The following TNS1 variants were observed in gnomAD, a reference collection of about 807,000 sequenced individuals.
The protein encoded by TNS1 is tensin 1.
Under a neutral mutation model 168.6 loss-of-function variants are expected in TNS1, and 62 were observed. The observed-to-expected ratio is 0.37, with a 90% CI of 0.30 to 0.45. TNS1 has a LOEUF of 0.45. Ranked by LOEUF, TNS1 falls within the 20% of genes least tolerant of loss-of-function variation. TNS1 has a pLI of 1.00. For missense variants in TNS1, 2,240 were observed against 2,339.4 expected, an observed-to-expected ratio of 0.96 and a Z score of 0.88; for synonymous variants, 934 against 933.2, an observed-to-expected ratio of 1.00 and a Z score of -0.02.
At chr2:217,871,612 C>T (rs1398288624) in intron 18 of TNS1, among the ~76,000 whole-genome samples, 1 of 152,260 alleles carries the variant, frequency 6.6e-6, no homozygotes, top group African/African-American at 2.4e-5. Context: ...GAAAATACAT[C>T]AAGGGCAAAC....
Position 217,885,733 on chromosome 2 carries a change from A to G in TNS1, c.1116+11T>C, listed in dbSNP as rs908417711. On this transcript the variant is annotated intron_variant, in intron 15 of 32. Coordinates refer to ENST00000682258, the MANE Select transcript of TNS1 (RefSeq NM_001387777.1). The stretch of plus-strand genomic sequence containing the variant: ...ACAAGGATGGGGCTTGACACAGAGG[A>G]CAGCACTCACCAAGATGTCTCCCTT... 1 of 1,587,242 alleles carries G rather than the reference A, an allele frequency of 6.3e-7. No individual in the cohort carries two copies. Among genetic ancestry groups the G allele is most frequent in the Non-Finnish European group, 8.6e-7 (1 of 1,160,798 alleles).
At chr2:217,964,765 C>T (rs1039194568) in intron 3 of TNS1, among the ~76,000 whole-genome samples, 22 of 152,226 alleles carry the variant, frequency 1.4e-4, no homozygotes, top group Non-Finnish European at 4.4e-5. Context: ...AACCCAGACA[C>T]CCCTGGACAC....
At chr2:218,003,506 C>T (rs1360423176), upstream of TNS1, among the ~76,000 whole-genome samples, 2 of 151,412 alleles carry the variant, frequency 1.3e-5, no homozygotes, top group Non-Finnish European at 2.9e-5. Context: ...GACTCTGGTG[C>T]CCACGCGCCA....
At chr2:217,879,168 C>T (rs1160677999) in intron 18 of TNS1, 1 of 272,394 alleles carries the variant, frequency 3.7e-6, no homozygotes, top group Non-Finnish European at 7.3e-6. Flanking sequence ...GTCTTTCCCA[C>T]ATCTCCTCCT....
chr2:217,805,678 T>TC (rs1399371845), intron 32 of TNS1, among the ~76,000 whole-genome samples: 5 of 35,464 alleles, frequency 1.4e-4, no homozygotes, highest in Non-Finnish European at 2.4e-4. Flanking sequence ...ACCACACACA[T>TC]ACACACCATC....
chr2:217,915,300 G>C (rs1954882272), intron 4 of TNS1, among the ~76,000 whole-genome samples: 2 of 152,290 alleles, frequency 1.3e-5, no homozygotes, highest in South Asian at 4.1e-4. Flanking sequence ...CCTCAGATCT[G>C]ACACTGCGAG....
intron 32 of TNS1, among the ~76,000 whole-genome samples, chr2:217,807,572 C>T (rs766698711): frequency 6.6e-6 from 1 of 152,270 alleles, no homozygotes; most frequent in Non-Finnish European, 1.5e-5. Flanking sequence ...CCCTTGGAGG[C>T]CCCTAGGACA....
Position 217,818,665 on chromosome 2 carries a change from T to C in TNS1, c.3667A>G (p.Ser1223Gly). 1 of 1,614,218 alleles carries C rather than the reference T, an allele frequency of 6.2e-7. No homozygotes were observed. Among genetic ancestry groups the C allele is most frequent in the South Asian group, 1.1e-5 (1 of 91,084 alleles). Residue 1223 changes from serine (S) to glycine (G), a missense_variant, in exon 24 of 33, where the codon AGC becomes GGC. Ser to Gly is a moderately conservative substitution (Grantham distance 56, BLOSUM62 0). Transcript: ENST00000682258. ...GCAGACGGGCTGGGCTGTCCCAGGC[T>C]GCCTGAGCGGAAGCCAGACTCCAAC... ...PLLESGFRSG[S>G]LGQPSPSAQR...
chr2:217,932,057 A>C (rs969221108), intron 3 of TNS1, among the ~76,000 whole-genome samples: 1 of 152,182 alleles, frequency 6.6e-6, no homozygotes, highest in African/African-American at 2.4e-5. Context: ...CTATGGCTTT[A>C]TGTTCCCTGG....
chr2:218,014,909 AAGGAAGGAAG>A (rs1958743202), upstream of TNS1, among the ~76,000 whole-genome samples: 1 of 97,136 alleles, frequency 1.0e-5, no homozygotes, highest in Non-Finnish European at 2.6e-5. Context: ...GGAAGGAAGG[AAGGAAGGAAG>A]GAAGGCAGGC....
At chr2:217,867,636 C>T (rs1949392670) in intron 18 of TNS1, among the ~76,000 whole-genome samples, 2 of 152,232 alleles carry the variant, frequency 1.3e-5, no homozygotes, top group Admixed American at 1.3e-4. Flanking sequence ...AGGTGATCTA[C>T]TCCCTGTTAC....
chr2:217,812,359 C>T lies in TNS1; in HGVS notation c.5032+9G>A, dbSNP rs773700470. On this transcript the variant is annotated intron_variant, in intron 28 of 32. Coordinates refer to ENST00000682258, the MANE Select transcript of TNS1 (RefSeq NM_001387777.1). ...TGTGGGTGGTGAGCCAGGAGTCTCA[C>T]GTTCCTACCTCGGTTTGGAATGACC... The T allele has an allele frequency of 1.4e-5, 22 of 1,612,960 alleles. No homozygotes were observed. Among genetic ancestry groups the T allele is most frequent in the South Asian group, 6.6e-5 (6 of 90,918 alleles).
Position 217,818,349 on chromosome 2 carries a change from C to T in TNS1, c.3983G>A (p.Gly1328Asp). 1 of 1,614,144 alleles carries T rather than the reference C, an allele frequency of 6.2e-7. No homozygotes were observed. The highest frequency in any genetic ancestry group is 8.5e-7 in the Non-Finnish European group (1 of 1,180,032). Reference protein sequence around the residue: ...HHQMMGPPGTGFHGSTVSSPQ... With the variant: ...HHQMMGPPGTDFHGSTVSSPQ... ...GCTGGAGACAGTGCTACCATGGAAG[C>T]CAGTGCCTGGTGGACCCATCATCTG... is the stretch of plus-strand genomic sequence containing the variant. Residue 1328 changes from glycine to aspartate, a missense_variant, in exon 24 of 33, where the codon GGC becomes GAC. Transcript: ENST00000682258.
At chr2:217,938,401 C>T (rs1213994245) in intron 3 of TNS1, among the ~76,000 whole-genome samples, 1 of 152,182 alleles carries the variant, frequency 6.6e-6, no homozygotes, top group Non-Finnish European at 1.5e-5. Flanking sequence ...GCCAGGAGCC[C>T]TACCCTTGCA....
intron 16 of TNS1, among the ~76,000 whole-genome samples, chr2:217,884,612 C>T (rs997843705): frequency 6.6e-6 from 1 of 152,084 alleles, no homozygotes. Flanking sequence ...GATTTTTGAG[C>T]TCCACCAAGG....
intron 3 of TNS1, among the ~76,000 whole-genome samples, chr2:217,972,580 G>T (rs1300493445): frequency 6.6e-6 from 1 of 152,240 alleles, no homozygotes; most frequent in Non-Finnish European, 1.5e-5. Flanking sequence ...CGCCTCAGTT[G>T]GTACTTGGGA....
intron 3 of TNS1, among the ~76,000 whole-genome samples, chr2:217,954,545 G>T (rs1211702211): frequency 6.6e-6 from 1 of 152,212 alleles, no homozygotes; most frequent in Non-Finnish European, 1.5e-5. Flanking sequence ...TTTGAAGAGG[G>T]TGTCACTTGT....
intron 2 of TNS1, among the ~76,000 whole-genome samples, chr2:217,982,644 C>A (rs1958084612): frequency 6.6e-6 from 1 of 152,156 alleles, no homozygotes; most frequent in Non-Finnish European, 1.5e-5. Flanking sequence ...CTCAAGCAAT[C>A]CTCCTGCCTG....
At chr2:217,853,940 G>C (rs1254697331) in intron 18 of TNS1, among the ~76,000 whole-genome samples, 2 of 152,180 alleles carry the variant, frequency 1.3e-5, no homozygotes, top group African/African-American at 4.8e-5. Context: ...ACTTAAAAAA[G>C]AACGAAGGAA....
Sources: gnomAD v4.1 joint callset for allele counts (sites outside exome capture counted in the v4.1 genomes callset) on GRCh38, gnomAD v4.1.1 for gene constraint, MANE v1.5 for transcripts, NCBI Gene and HGNC (gene_info 2026-07-23, HGNC 2026-07-21) for gene names.